Variants in CLVS1 observed in about 807,000 individuals in gnomAD.
The protein encoded by CLVS1 is clavesin 1.
CLVS1 carries 10 observed loss-of-function variants against 33.1 expected under a neutral mutation model. That is an observed-to-expected ratio of 0.30 (90% CI 0.19 to 0.51). The LOEUF is 0.51. Ranked by LOEUF, CLVS1 falls within the 20% of genes least tolerant of loss-of-function variation. The pLI is 0.97. For missense variants in CLVS1, 343 were observed against 433.4 expected (o/e 0.79, Z 1.85); for synonymous variants, 163 against 166.1 (o/e 0.98, Z 0.14).
chr8:61,458,526 C>T lies in CLVS1; in HGVS notation c.961C>T (p.Pro321Ser), dbSNP rs765673406. Residue 321 changes from proline to serine, a missense_variant, in exon 5 of 6, where the codon CCC becomes TCC. Pro to Ser is a moderately conservative substitution (Grantham distance 74). This residue lies in a region of CLVS1 where 86 missense variants were observed against 95.0 expected (regional missense o/e 0.91). Coordinates refer to ENST00000325897, the MANE Select transcript of CLVS1 (RefSeq NM_173519.3). Reference sequence around the variant, plus strand: ...CTCGAATCTGGAGAGAGAATGCTCACCCAAGCTGATGAAAAGGTAAGGCCT... The same window carrying T: ...CTCGAATCTGGAGAGAGAATGCTCATCCAAGCTGATGAAAAGGTAAGGCCT... ...TSSNLERECS[P>S]KLMKRSQSVV... 1 of 1,607,740 alleles carries T rather than the reference C, an allele frequency of 6.2e-7. No homozygotes were observed. Among genetic ancestry groups the T allele is most frequent in the Non-Finnish European group, 8.5e-7 (1 of 1,176,660 alleles).
At chr8:61,053,121 C>T (rs150960779), upstream of CLVS1, among the ~76,000 whole-genome samples, 54 of 152,226 alleles carry the variant, frequency 3.5e-4, no homozygotes, top group African/African-American at 9.4e-4. Context: ...GGAGTGGGGT[C>T]GACCAGGAGC....
chr8:61,171,059 A>T (rs1806986113), intron 2 of CLVS1, among the ~76,000 whole-genome samples: 1 of 151,704 alleles, frequency 6.6e-6, no homozygotes, highest in African/African-American at 2.4e-5. Flanking sequence ...ACAAGTTTCC[A>T]TTTAACTGCC....
chr8:61,230,917 C>T (rs1393311547), intron 2 of CLVS1, among the ~76,000 whole-genome samples: 1 of 152,076 alleles, frequency 6.6e-6, no homozygotes, highest in Non-Finnish European at 1.5e-5. Context: ...GTGGAGAGGG[C>T]AAGGGGGCTC....
chr8:61,312,716 A>G (rs1051916482), intron 2 of CLVS1, among the ~76,000 whole-genome samples: 1 of 152,208 alleles, frequency 6.6e-6, no homozygotes, highest in African/African-American at 2.4e-5. Context: ...AGGACAATTT[A>G]TGAAGGAGAT....
At chr8:61,197,463 G>A (rs1359636630) in intron 2 of CLVS1, among the ~76,000 whole-genome samples, 1 of 152,102 alleles carries the variant, frequency 6.6e-6, no homozygotes, top group Non-Finnish European at 1.5e-5. Flanking sequence ...TAGCTCTATA[G>A]TATAATTTGA....
intron 2 of CLVS1, among the ~76,000 whole-genome samples, chr8:61,230,353 A>G (rs779381115): frequency 3.9e-5 from 6 of 152,186 alleles, no homozygotes; most frequent in Non-Finnish European, 8.8e-5. Context: ...TAGCTCTCCC[A>G]TTCTTGGCTG....
chr8:61,292,163 A>G (rs1019506141), intron 1 of CLVS1: 2 of 319,318 alleles, frequency 6.3e-6, no homozygotes, highest in Admixed American at 7.6e-5. Flanking sequence ...ACTATTAAAT[A>G]ATAAGACCCA....
chr8:60,983,760 A>G, the CLVS1 span, among the ~76,000 whole-genome samples: 5 of 152,190 alleles, frequency 3.3e-5, no homozygotes, highest in Admixed American at 6.5e-5. Flanking sequence ...AATTGTGCAC[A>G]CAGTGTGAAA....
rs184155401 is a variant in CLVS1 at position 61,214,793 on chromosome 8, C to G, written c.-152+82933C>G. ...TGATCCATGTCTCTGTCCTTATGGG[C>G]AAAGAATGCATTGACCATATATCAT... On this transcript the variant is annotated intron_variant, in intron 2 of 2. Coordinates refer to the CLVS1 transcript ENST00000522621. Among the ~76,000 whole-genome samples the G allele has an allele frequency of 3.7e-4, 56 of 152,282 alleles. No homozygotes were observed. The East Asian group carries it at 3.9e-3, about 10-fold the overall frequency.
intron 1 of CLVS1, among the ~76,000 whole-genome samples, chr8:61,067,633 G>GATTTAATC (rs1804707256): frequency 6.6e-6 from 1 of 152,136 alleles, no homozygotes; most frequent in Non-Finnish European, 1.5e-5. Context: ...GCTTTGGGAG[G>GATTTAATC]CCAAGGTGGG....
At chr8:61,122,249 C>G (rs1805884942) in intron 1 of CLVS1, among the ~76,000 whole-genome samples, 1 of 152,190 alleles carries the variant, frequency 6.6e-6, no homozygotes, top group Non-Finnish European at 1.5e-5. Context: ...GATACTGGTA[C>G]ATTTTTGTCA....
At chr8:60,980,779 C>A in the CLVS1 span, among the ~76,000 whole-genome samples, 1 of 150,866 alleles carries the variant, frequency 6.6e-6, no homozygotes, top group Non-Finnish European at 1.5e-5. Context: ...GAGTGAGACC[C>A]CATCTCAAAA....
At chr8:61,413,647 G>T (rs1251035158) in intron 3 of CLVS1, among the ~76,000 whole-genome samples, 1 of 152,146 alleles carries the variant, frequency 6.6e-6, no homozygotes, top group African/African-American at 2.4e-5. Context: ...ACCTCCATCT[G>T]GCAACCTTCA....
chr8:61,285,503 C>T (rs976206624), upstream of CLVS1, among the ~76,000 whole-genome samples: 5 of 152,180 alleles, frequency 3.3e-5, no homozygotes, highest in Admixed American at 1.3e-4. Context: ...CAGGATTCCT[C>T]AATGAACCCC....
At chr8:61,342,659 A>G (rs183100332) in intron 2 of CLVS1, among the ~76,000 whole-genome samples, 1 of 152,296 alleles carries the variant, frequency 6.6e-6, no homozygotes, top group Admixed American at 6.5e-5. Flanking sequence ...GCCCCTTTTC[A>G]AACCTCAATT....
intron 2 of CLVS1, among the ~76,000 whole-genome samples, chr8:61,251,564 G>C (rs1375782193): frequency 6.6e-6 from 1 of 152,076 alleles, no homozygotes. Flanking sequence ...TGGTTGGTAG[G>C]CTATTAATTA....
chr8:61,487,130 C>G (rs780833061), intron 5 of CLVS1, among the ~76,000 whole-genome samples: 1 of 151,916 alleles, frequency 6.6e-6, no homozygotes, highest in East Asian at 1.9e-4. Flanking sequence ...CATTTCTAAC[C>G]AGCTCCCAGG....
At chr8:61,396,986 G>T (rs1270459916) in intron 3 of CLVS1, among the ~76,000 whole-genome samples, 1 of 152,012 alleles carries the variant, frequency 6.6e-6, no homozygotes, top group Non-Finnish European at 1.5e-5. Flanking sequence ...GAATAATCCT[G>T]CTATGTACAT....
intron 2 of CLVS1, among the ~76,000 whole-genome samples, chr8:61,354,847 C>T (rs1164017538): frequency 6.6e-6 from 1 of 152,126 alleles, no homozygotes; most frequent in Non-Finnish European, 1.5e-5. Context: ...AAAAGGGCAA[C>T]ATGTAGGGTC....
Sources: gnomAD v4.1 joint callset for allele counts (sites outside exome capture counted in the v4.1 genomes callset) on GRCh38, gnomAD v4.1.1 for gene constraint, gnomAD v4.1.1 regional missense constraint, MANE v1.5 for transcripts, NCBI Gene and HGNC (gene_info 2026-07-23, HGNC 2026-07-21) for gene names.